The following BMAL2 variants were observed in gnomAD, a reference collection of about 807,000 sequenced individuals.
BMAL2 encodes the protein basic helix-loop-helix ARNT-like protein 2.
At chr12:27,405,166 C>G in the BMAL2 span, among the ~76,000 whole-genome samples, 2 of 152,196 alleles carry the variant, frequency 1.3e-5, no homozygotes, top group Non-Finnish European at 2.9e-5. Context: ...GACTCCATCT[C>G]TGGGGGCAGG....
chr12:27,359,429 C>CTAT, the BMAL2 span, among the ~76,000 whole-genome samples: 1 of 152,186 alleles, frequency 6.6e-6, no homozygotes, highest in Non-Finnish European at 1.5e-5. Context: ...TGGCTCATGC[C>CTAT]TATATTCCCA....
the BMAL2 span, among the ~76,000 whole-genome samples, chr12:27,405,138 AGCCT>A: frequency 6.6e-6 from 1 of 152,000 alleles, no homozygotes; most frequent in Non-Finnish European, 1.5e-5. Flanking sequence ...AGCTCAAGGA[AGCCT>A]GCCTGCCTCT....
At chr12:27,396,429 T>C in the BMAL2 span, among the ~76,000 whole-genome samples, 1 of 152,228 alleles carries the variant, frequency 6.6e-6, no homozygotes, top group Non-Finnish European at 1.5e-5. Flanking sequence ...AACTGCACTT[T>C]TAGAAGGTTG....
the BMAL2 span, among the ~76,000 whole-genome samples, chr12:27,366,591 A>G: frequency 6.6e-6 from 1 of 152,198 alleles, no homozygotes; most frequent in Non-Finnish European, 1.5e-5. Flanking sequence ...TGATTTTTAT[A>G]TTTTGTAAAA....
chr12:27,359,426 T>C, the BMAL2 span, among the ~76,000 whole-genome samples: 54 of 152,310 alleles, frequency 3.5e-4, no homozygotes, highest in African/African-American at 1.3e-3. Context: ...TGGTGGCTCA[T>C]GCCTATATTC....
chr12:27,342,041 A>G, the BMAL2 span, among the ~76,000 whole-genome samples: 6 of 152,138 alleles, frequency 3.9e-5, no homozygotes, highest in African/African-American at 1.4e-4. Flanking sequence ...GGTTCAAGCA[A>G]TTCTCATGCC....
chr12:27,407,855 A>T, the BMAL2 span, among the ~76,000 whole-genome samples: 2 of 152,156 alleles, frequency 1.3e-5, no homozygotes, highest in Admixed American at 6.5e-5. Context: ...AGCAAGACTA[A>T]TAAAGAAGAA....
chr12:27,424,028 A>G, the BMAL2 span: 1 of 152,236 alleles, frequency 6.6e-6, no homozygotes. Context: ...TAATAATTTT[A>G]TATTAATTAC....
chr12:27,396,187 G>T, the BMAL2 span, among the ~76,000 whole-genome samples: 2 of 152,128 alleles, frequency 1.3e-5, no homozygotes, highest in Non-Finnish European at 1.5e-5. Flanking sequence ...TAATACAGTG[G>T]GTAATGACAG....
At chr12:27,388,463 G>T in the BMAL2 span, among the ~76,000 whole-genome samples, 2 of 152,144 alleles carry the variant, frequency 1.3e-5, no homozygotes, top group Non-Finnish European at 2.9e-5. Flanking sequence ...ATTCAGAAGA[G>T]GGGTGGCCAC....
the BMAL2 span, among the ~76,000 whole-genome samples, chr12:27,379,878 G>A: frequency 2.0e-5 from 3 of 152,020 alleles, no homozygotes; most frequent in African/African-American, 7.3e-5. Context: ...AAAATAATGA[G>A]GTTAAGATGC....
the BMAL2 span, chr12:27,400,401 T>C: frequency 2.8e-6 from 2 of 705,872 alleles, no homozygotes; most frequent in Non-Finnish European, 4.3e-6. Context: ...TGGAATACCA[T>C]TCCCCTTTCA....
the BMAL2 span, among the ~76,000 whole-genome samples, chr12:27,409,466 A>C: frequency 1.3e-5 from 2 of 152,222 alleles, no homozygotes; most frequent in Non-Finnish European, 2.9e-5. Context: ...CTGATCTTTG[A>C]CAAACCTGAC....
chr12:27,370,308 C>A, the BMAL2 span: 1 of 1,053,388 alleles, frequency 9.5e-7, no homozygotes, highest in Non-Finnish European at 1.4e-6. Flanking sequence ...ACATGATACA[C>A]GTCCCACTGA....
chr12:27,346,967 C>A, the BMAL2 span, among the ~76,000 whole-genome samples: 2 of 152,294 alleles, frequency 1.3e-5, no homozygotes, highest in Non-Finnish European at 1.5e-5. Context: ...TGCCCTCTTG[C>A]TTTCACTCTC....
the BMAL2 span, among the ~76,000 whole-genome samples, chr12:27,416,221 G>A: frequency 5.9e-5 from 9 of 152,112 alleles, no homozygotes; most frequent in Non-Finnish European, 1.3e-4. Flanking sequence ...CATTCATAAA[G>A]TAAGAATAAT....
the BMAL2 span, among the ~76,000 whole-genome samples, chr12:27,356,936 C>T: frequency 6.6e-6 from 1 of 151,774 alleles, no homozygotes; most frequent in African/African-American, 2.4e-5. Context: ...CCCCAAAGTC[C>T]GTTGTATTAT....
chr12:27,422,795 A>G, the BMAL2 span: 1 of 152,344 alleles, frequency 6.6e-6, no homozygotes, highest in East Asian at 1.9e-4. Context: ...TTGGCTTCCA[A>G]AGAGTCTGCC....
chr12:27,383,261 TAA>T, the BMAL2 span, among the ~76,000 whole-genome samples: 3 of 152,068 alleles, frequency 2.0e-5, no homozygotes, highest in Non-Finnish European at 2.9e-5. Flanking sequence ...TTGTTAAGAG[TAA>T]AGAGTAATGC....
Sources: gnomAD v4.1 joint callset for allele counts (sites outside exome capture counted in the v4.1 genomes callset) on GRCh38, gnomAD v4.1.1 for gene constraint, MANE v1.5 for transcripts, NCBI Gene and HGNC (gene_info 2026-07-23, HGNC 2026-07-21) for gene names.